TREH: variants seen among roughly 807,000 people sequenced by gnomAD.
TREH encodes alpha,alpha-trehalose glucohydrolase.
In TREH, 69 loss-of-function variants were observed where a neutral mutation model predicts 80.5. The observed-to-expected ratio is 0.86, with a 90% confidence interval of 0.71 to 1.05. The LOEUF (loss-of-function observed/expected upper bound fraction) is 1.05, where lower values mean the gene tolerates loss of function less well. Ranked by LOEUF, TREH falls within the 50% of genes least tolerant of loss-of-function variation. The pLI is 0.00. For synonymous variants in TREH, 309 were observed against 293.5 expected (o/e 1.05, Z -0.54); for missense variants, 716 against 718.8 (o/e 1.00, Z 0.04).
In TREH at chr11:118,668,009, C is replaced by T. The variant is rs186509077; in HGVS notation, c.90-4570G>A. On this transcript the variant is annotated intron_variant, in intron 1 of 14. Transcript: ENST00000264029. Reference sequence around the variant, plus strand: ...CCTCCCAAGTTGCTGGGATTACAGGCGTGTACCACCACACCCAGCTAATTT... The same window carrying T: ...CCTCCCAAGTTGCTGGGATTACAGGTGTGTACCACCACACCCAGCTAATTT... Among the ~76,000 whole-genome samples the T allele has an allele frequency of 2.0e-3, 309 of 152,186 alleles. 10 individuals are homozygous for T. The East Asian group carries it at 0.044, about 22-fold the overall frequency.
At position 118,660,574 on chromosome 11, in the gene TREH, G is replaced by A. The variant is rs559030284; in HGVS notation, c.1067C>T (p.Ala356Val). The A allele has an allele frequency of 1.0e-4, 163 of 1,610,330 alleles. 1 individual carries two copies. In the South Asian group the frequency reaches 1.7e-3, roughly 17 times the overall value. Reference protein sequence around the residue: ...PVDLNAFLCQAEELMSNFYSR... With the variant: ...PVDLNAFLCQVEELMSNFYSR... ...ATAGAAGTTGCTCATCAGCTCCTCTGCTTGGCATAGGAAGGCATTCAGGTC... is the reference window on the plus strand; with the variant it reads ...ATAGAAGTTGCTCATCAGCTCCTCTACTTGGCATAGGAAGGCATTCAGGTC... Residue 356 changes from alanine to valine, a missense_variant, in exon 10 of 15, where the codon GCA becomes GTA. Ala to Val is a moderately conservative substitution (Grantham distance 64, BLOSUM62 0). Coordinates refer to ENST00000264029, the MANE Select transcript of TREH (RefSeq NM_007180.3).
chr11:118,658,229 G>A lies in TREH; in HGVS notation c.*60C>T. ...GGGCATGAAGAGGCAGGGGAAGGCA[G>A]GAACTGGTGCAGAGGTTTAATGGGG... On this transcript the variant is annotated 3_prime_UTR_variant, in exon 15 of 15. Coordinates refer to ENST00000264029, the MANE Select transcript of TREH (RefSeq NM_007180.3). 4 of 1,531,416 alleles carry A rather than the reference G, an allele frequency of 2.6e-6. No individual in the cohort carries two copies. Among genetic ancestry groups the A allele is most frequent in the Non-Finnish European group, 3.5e-6 (4 of 1,135,790 alleles). 94.9% of individuals were successfully genotyped at this position (1,531,416 alleles called of 1,614,324 possible).
At chr11:118,667,904 G>A (rs776339872) in intron 1 of TREH, among the ~76,000 whole-genome samples, 25 of 150,878 alleles carry the variant, frequency 1.7e-4, no homozygotes, top group East Asian at 3.9e-4. Context: ...TCATTCTGTC[G>A]CCCAGGCTGG....
chr11:118,679,463 G>T (rs981704604), intron 1 of TREH, 76 bp downstream of exon 1: 1 of 1,358,612 alleles, frequency 7.4e-7, no homozygotes, highest in Non-Finnish European at 9.6e-7. Context: ...CTGAAGTACC[G>T]ACCCCAGAGC....
intron 1 of TREH, among the ~76,000 whole-genome samples, chr11:118,665,429 G>A (rs1010127493): frequency 2.0e-5 from 3 of 152,168 alleles, no homozygotes; most frequent in African/African-American, 4.8e-5. Context: ...CACAAGGTCA[G>A]GAGAACGAGA....
chr11:118,658,074 A>G lies in TREH; in HGVS notation c.*215T>C. 1 of 625,692 alleles carries G rather than the reference A, an allele frequency of 1.6e-6. No homozygotes were observed. The highest frequency in any genetic ancestry group is 2.7e-6 in the Non-Finnish European group (1 of 370,252). The allele number at this position is 625,692 out of a possible 1,614,324, so 38.8% of individuals were successfully genotyped here. On this transcript the variant is annotated 3_prime_UTR_variant, in exon 15 of 15. Transcript: ENST00000264029. The stretch of plus-strand genomic sequence containing the variant: ...GGGCTTGGCGCTGAGGCACTTGGGG[A>G]TAGGTCTTCCCTCCAGAGCAGGATT...
intron 1 of TREH, among the ~76,000 whole-genome samples, chr11:118,666,295 A>G (rs567935314): frequency 6.6e-6 from 1 of 152,300 alleles, no homozygotes; most frequent in East Asian, 1.9e-4. Context: ...AGGGTAAAGG[A>G]ATGAGTAAAT....
At position 118,658,929 on chromosome 11, in the gene TREH, C is replaced by T. The variant is rs376382598; in HGVS notation, c.1521G>A (p.Ser507=). The T allele has an allele frequency of 1.7e-4, 272 of 1,613,914 alleles. No individual in the cohort carries two copies. Among genetic ancestry groups the T allele is most frequent in the Admixed American group, 3.3e-4 (20 of 60,018 alleles). ...CCTTCTCATACATGGCTGACTTCTG[C>T]GAGTAGACATCAAAATTGGTTCGGA... ...NWIRTNFDVY[S]QKSAMYEKYD... The change falls in exon 13 of 15, where the codon TCG becomes TCA. Residue 507 remains serine, a synonymous_variant. Coordinates refer to ENST00000264029, the MANE Select transcript of TREH (RefSeq NM_007180.3).
At chr11:118,672,051 A>G (rs1949434120) in intron 1 of TREH, among the ~76,000 whole-genome samples, 1 of 152,250 alleles carries the variant, frequency 6.6e-6, no homozygotes, top group African/African-American at 2.4e-5. Context: ...CAGTCCTACA[A>G]GAAATACTGA....
At chr11:118,679,097 CAG>C (rs1315622863) in intron 1 of TREH, among the ~76,000 whole-genome samples, 10 of 152,166 alleles carry the variant, frequency 6.6e-5, no homozygotes, top group African/African-American at 1.4e-4. Context: ...CAGGTCCCGA[CAG>C]GGGGCGGTGG....
At chr11:118,671,605 G>A (rs571912224) in intron 1 of TREH, among the ~76,000 whole-genome samples, 107 of 152,274 alleles carry the variant, frequency 7.0e-4, no homozygotes, top group Non-Finnish European at 1.2e-3. Context: ...AGGAGGTAGA[G>A]AAAGAGATAG....
rs781856639 is a variant in TREH at position 118,658,359 on chromosome 11, G to A, written c.1682C>T (p.Ala561Val). 6.2e-7 allele frequency: 1 copy of A among 1,604,598 alleles called. No homozygotes were observed. The highest frequency in any genetic ancestry group is 1.1e-5 in the South Asian group (1 of 89,078). ...CGCCAGGCAGTGGGGCTCCAGGAAA[G>A]CCAGCTTGGCCCCTGAGGTCAGCCG... The part of the protein sequence containing the change: ...GDRLTSGAKL[A>V]FLEPHCLAAT... The change falls in exon 15 of 15, where the codon GCT becomes GTT. Residue 561 changes from alanine to valine, a missense_variant. Ala to Val is a moderately conservative substitution (Grantham distance 64). Coordinates refer to ENST00000264029, the MANE Select transcript of TREH (RefSeq NM_007180.3).
At chr11:118,666,451 C>A (rs1303462378) in intron 1 of TREH, among the ~76,000 whole-genome samples, 8 of 152,154 alleles carry the variant, frequency 5.3e-5, no homozygotes, top group Non-Finnish European at 8.8e-5. Context: ...TGCTGTTGGG[C>A]CCTGACAAGG....
In TREH at chr11:118,660,551, A is replaced by C. The variant is rs1949308085; in HGVS notation, c.1090T>G (p.Tyr364Asp). The C allele has an allele frequency of 6.2e-7, 1 of 1,605,172 alleles. No individual in the cohort carries two copies. Among genetic ancestry groups the C allele is most frequent in the South Asian group, 1.1e-5 (1 of 89,518 alleles). ...CQAEELMSNF[Y>D]SRLGNDSQAT... ...CTGGGGTGCTCACCCAGCCTGGAAT[A>C]GAAGTTGCTCATCAGCTCCTCTGCT... The change falls in exon 10 of 15, where the codon TAT (tyrosine) becomes GAT (aspartate). Residue 364 changes from tyrosine to aspartate, a missense_variant. Coordinates refer to ENST00000264029, the MANE Select transcript of TREH (RefSeq NM_007180.3).
At chr11:118,668,333 ATAT>A (rs1949398076) in intron 1 of TREH, among the ~76,000 whole-genome samples, 1 of 152,032 alleles carries the variant, frequency 6.6e-6, no homozygotes. Flanking sequence ...TCACCAATGA[ATAT>A]TGATGCAAAA....
At chr11:118,660,000 G>C (rs1296573750) in intron 10 of TREH, 36 bp from the exon 11 acceptor site, 1 of 1,533,226 alleles carries the variant, frequency 6.5e-7, no homozygotes, top group Admixed American at 2.0e-5. Flanking sequence ...AGCAGCCAGT[G>C]CCCTGCCTGC....
chr11:118,678,090 C>T (rs1217573543), intron 1 of TREH, among the ~76,000 whole-genome samples: 5 of 152,182 alleles, frequency 3.3e-5, no homozygotes, highest in African/African-American at 9.7e-5. Flanking sequence ...CCGCTCTCCC[C>T]GGACCTGTTC....
chr11:118,666,313 A>C (rs1456121086), intron 1 of TREH, among the ~76,000 whole-genome samples: 1 of 152,222 alleles, frequency 6.6e-6, no homozygotes, highest in Non-Finnish European at 1.5e-5. Context: ...AATGGGTTAT[A>C]CAATGAGGGG....
chr11:118,668,561 CAAAAAA>C (rs35085066), intron 1 of TREH, among the ~76,000 whole-genome samples: 32 of 47,864 alleles, frequency 6.7e-4, no homozygotes, highest in South Asian at 1.5e-3. Flanking sequence ...GACTCTGTCT[CAAAAAA>C]AAAAAAAAAA....
Sources: allele counts gnomAD v4.1 joint callset (sites outside exome capture counted in the v4.1 genomes callset), GRCh38; gene constraint gnomAD v4.1.1; transcripts MANE v1.5; gene names NCBI Gene and HGNC (gene_info 2026-07-23, HGNC 2026-07-21).